RIMBP2: variants seen among roughly 807,000 people sequenced by gnomAD.
The protein encoded by RIMBP2 is RIMS-binding protein 2.
A neutral mutation model predicts 118.6 loss-of-function variants in RIMBP2; 48 were observed. That is an observed-to-expected ratio of 0.40 (90% confidence interval 0.32 to 0.51). RIMBP2 has a LOEUF of 0.51. Among genes scored for constraint, RIMBP2 ranks in the 20% least tolerant of loss-of-function variants. The pLI, the probability that RIMBP2 is intolerant of heterozygous loss-of-function variation, is 0.41. For synonymous variants in RIMBP2, 762 were observed against 742.9 expected, an observed-to-expected ratio of 1.03 and a Z score of -0.42; for missense variants, 1,551 against 1,768.3, an observed-to-expected ratio of 0.88 and a Z score of 2.20.
At chr12:130,681,699 T>C (rs2064794590) in intron 1 of RIMBP2, among the ~76,000 whole-genome samples, 2 of 152,282 alleles carry the variant, frequency 1.3e-5, no homozygotes, top group South Asian at 2.1e-4. Flanking sequence ...TATTTCTCTT[T>C]CTTTTTCTTT....
At chr12:130,451,704 G>T (rs542240957) in intron 7 of RIMBP2, among the ~76,000 whole-genome samples, 1 of 152,374 alleles carries the variant, frequency 6.6e-6, no homozygotes, top group South Asian at 2.1e-4. Context: ...CTGCACCTGC[G>T]AGAGGAACGC....
chr12:130,399,252 A>AGAT (rs2074297826), intron 22 of RIMBP2: 1 of 704,634 alleles, frequency 1.4e-6, no homozygotes, highest in East Asian at 4.0e-5. Flanking sequence ...AATAAAAATG[A>AGAT]GATACTAAAC....
At chr12:130,680,617 C>A (rs375339433) in intron 1 of RIMBP2, among the ~76,000 whole-genome samples, 10 of 152,328 alleles carry the variant, frequency 6.6e-5, no homozygotes, top group African/African-American at 2.4e-4. Flanking sequence ...ATTTTGCCCC[C>A]ACCCACTCAT....
intron 3 of RIMBP2, 54 bp from the exon 4 acceptor site, chr12:130,506,824 G>A: frequency 1.0e-6 from 1 of 984,490 alleles, no homozygotes; most frequent in Non-Finnish European, 1.2e-6. Context: ...CCTAAGAGTT[G>A]GTATCCGTTG....
intron 9 of RIMBP2, among the ~76,000 whole-genome samples, chr12:130,449,436 C>T (rs2078809732): frequency 6.6e-6 from 1 of 152,242 alleles, no homozygotes; most frequent in Admixed American, 6.5e-5. Context: ...ACACTGAAGG[C>T]CCCTGCACGG....
intron 1 of RIMBP2, among the ~76,000 whole-genome samples, chr12:130,668,750 ACTCT>A (rs1259508498): frequency 4.0e-5 from 6 of 151,694 alleles, no homozygotes; most frequent in African/African-American, 1.5e-4. Flanking sequence ...TAGCAGCTTA[ACTCT>A]TTCTCTCTCT....
chr12:130,617,487 A>G lies in RIMBP2; in HGVS notation c.-217+10835T>C, dbSNP rs1396883456. ...TGCTGTGGCCCCACAGGCCTAGGCC[A>G]GCTACAGCTCCAGGCAGAAACGACA... On this transcript the variant is annotated intron_variant, in intron 2 of 22. Coordinates refer to ENST00000690449, the MANE Select transcript of RIMBP2 (RefSeq NM_001393629.1). This position sits in a 1 kb window ranked among gnomAD's most constrained non-coding sequence, Gnocchi z 4.6. 1.3e-5 allele frequency among the ~76,000 whole-genome samples: 2 copies of G among 152,266 alleles called. No individual in the cohort carries two copies. Among genetic ancestry groups the G allele is most frequent in the Non-Finnish European group, 2.9e-5 (2 of 68,052 alleles).
chr12:130,516,922 C>G (rs1566181300), intron 3 of RIMBP2, among the ~76,000 whole-genome samples: 1 of 152,122 alleles, frequency 6.6e-6, no homozygotes, highest in Non-Finnish European at 1.5e-5. Context: ...GCTTTGGCAT[C>G]TGGGAAAGAG....
At chr12:130,541,476 T>G (rs2054597127) in intron 2 of RIMBP2, among the ~76,000 whole-genome samples, 1 of 152,190 alleles carries the variant, frequency 6.6e-6, no homozygotes, top group South Asian at 2.1e-4. Context: ...GATCACGGAA[T>G]GATTCATTAT....
chr12:130,507,441 A>G (rs2050475327), intron 3 of RIMBP2, among the ~76,000 whole-genome samples: 2 of 152,344 alleles, frequency 1.3e-5, no homozygotes, highest in South Asian at 4.1e-4. Flanking sequence ...GAGCCCTAAC[A>G]GATACAAGTG....
chr12:130,494,338 G>A (rs2048932310), intron 4 of RIMBP2, among the ~76,000 whole-genome samples: 1 of 152,080 alleles, frequency 6.6e-6, no homozygotes, highest in Non-Finnish European at 1.5e-5. Context: ...GATGGTGGAT[G>A]CAAACGTGCT....
intron 7 of RIMBP2, among the ~76,000 whole-genome samples, chr12:130,455,402 T>G (rs1050333716): frequency 4.6e-5 from 7 of 152,208 alleles, no homozygotes; most frequent in African/African-American, 1.2e-4. Flanking sequence ...CACGGTGCCC[T>G]GTCTGTCTCT....
intron 2 of RIMBP2, among the ~76,000 whole-genome samples, chr12:130,534,533 T>C (rs150498249): frequency 6.6e-6 from 1 of 152,352 alleles, no homozygotes; most frequent in Non-Finnish European, 1.5e-5. Context: ...ACTGCACTTG[T>C]ACCCCTTAAA....
At position 130,616,172 on chromosome 12, in the gene RIMBP2, T is replaced by C. The variant is rs775834085; in HGVS notation, c.-217+12150A>G. Among the ~76,000 whole-genome samples the C allele has an allele frequency of 1.7e-3, 266 of 152,276 alleles. 1 individual carries two copies. The highest frequency in any genetic ancestry group is 3.4e-3 in the Middle Eastern group (1 of 294). On this transcript the variant is annotated intron_variant, in intron 2 of 22. Transcript: ENST00000690449. Reference sequence around the variant, plus strand: ...GTTTCCCACCAGACAAATGGGGAGCTGTTCACGGTGTCCCCTTTCATCCCT... The same window carrying C: ...GTTTCCCACCAGACAAATGGGGAGCCGTTCACGGTGTCCCCTTTCATCCCT...
At chr12:130,399,464 G>A (rs920481790) in intron 22 of RIMBP2, among the ~76,000 whole-genome samples, 3 of 152,104 alleles carry the variant, frequency 2.0e-5, no homozygotes, top group Non-Finnish European at 4.4e-5. Flanking sequence ...CAGATTGATT[G>A]ATTAGAATTG....
intron 2 of RIMBP2, among the ~76,000 whole-genome samples, chr12:130,569,836 C>T (rs2057497220): frequency 6.6e-6 from 1 of 152,170 alleles, no homozygotes; most frequent in Admixed American, 6.5e-5. Flanking sequence ...TATAAACTAC[C>T]CAGTCTCAGG....
chr12:130,508,453 C>T (rs998863691), intron 3 of RIMBP2, among the ~76,000 whole-genome samples: 2 of 152,048 alleles, frequency 1.3e-5, no homozygotes, highest in Non-Finnish European at 2.9e-5. Flanking sequence ...CTTCTTCCCA[C>T]CCCGGGGCCC....
chr12:130,541,408 T>A (rs1243126795), intron 2 of RIMBP2, among the ~76,000 whole-genome samples: 2 of 152,240 alleles, frequency 1.3e-5, no homozygotes, highest in Non-Finnish European at 1.5e-5. Context: ...CATTTTGGAA[T>A]GTTTCTTCCT....
At chr12:130,646,601 CAAG>C (rs35940232) in intron 1 of RIMBP2, among the ~76,000 whole-genome samples, 9,736 of 152,270 alleles carry the variant, frequency 0.064, 424 homozygotes, top group Non-Finnish European at 0.094. Context: ...CGCATCTCCA[CAAG>C]AAGAATGACA....
Sources: gnomAD v4.1 joint callset for allele counts (sites outside exome capture counted in the v4.1 genomes callset) on GRCh38, gnomAD v4.1.1 for gene constraint, Gnocchi (gnomAD v3.1) non-coding constraint, MANE v1.5 for transcripts, NCBI Gene and HGNC (gene_info 2026-07-23, HGNC 2026-07-21) for gene names.